Variants in ZC3H12B observed in about 807,000 individuals in gnomAD.
ZC3H12B encodes zinc finger CCCH-type containing 12B.
ZC3H12B carries 7 observed loss-of-function variants against 43.9 expected under a neutral mutation model. That is an observed-to-expected ratio of 0.16 (90% confidence interval 0.09 to 0.30). ZC3H12B has a LOEUF of 0.30. Among genes scored for constraint, ZC3H12B ranks in the 10% least tolerant of loss-of-function variants. The probability of loss-of-function intolerance (pLI) is 1.00; values close to 1 mark genes in which losing one functional copy is unlikely to be tolerated. For synonymous variants in ZC3H12B, 222 were observed against 241.7 expected (o/e 0.92, Z 0.76); for missense variants, 475 against 670.2 (o/e 0.71, Z 3.22).
At chrX:65,252,471 C>T in the ZC3H12B span, among the ~76,000 whole-genome samples, 1 of 111,964 alleles carries the variant, frequency 8.9e-6, no homozygotes, top group East Asian at 2.8e-4. Flanking sequence ...TTAATACACA[C>T]AAAATCCCTG....
the ZC3H12B span, among the ~76,000 whole-genome samples, chrX:65,209,538 G>A: frequency 9.7e-6 from 1 of 102,747 alleles, no homozygotes; most frequent in African/African-American, 3.6e-5. Flanking sequence ...ACTGTGGTCT[G>A]AGAGATAGTT....
chrX:65,461,718 G>C (rs1006208489), intron 3 of ZC3H12B, among the ~76,000 whole-genome samples: 7 of 111,273 alleles, frequency 6.3e-5, no homozygotes, highest in African/African-American at 2.0e-4. Context: ...CTAGGTAGGG[G>C]GGAGGGATAG....
At chrX:65,173,017 G>T in the ZC3H12B span, among the ~76,000 whole-genome samples, 1 of 111,933 alleles carries the variant, frequency 8.9e-6, no homozygotes, top group Non-Finnish European at 1.9e-5. Flanking sequence ...ACTTTGGGCA[G>T]TATGGCCAAT....
the ZC3H12B span, among the ~76,000 whole-genome samples, chrX:65,249,285 A>G: frequency 1.9e-4 from 21 of 112,046 alleles, no homozygotes; most frequent in African/African-American, 6.8e-4. Flanking sequence ...GTTTTATTCT[A>G]CATGCGGCTA....
intron 3 of ZC3H12B, among the ~76,000 whole-genome samples, chrX:65,453,064 C>A (rs1012917931): frequency 9.2e-6 from 1 of 109,226 alleles, no homozygotes; most frequent in Admixed American, 9.9e-5. Context: ...GCAAAAAGAT[C>A]AAATCTGCTG....
At chrX:65,420,756 T>TA (rs1289304821) in intron 3 of ZC3H12B, among the ~76,000 whole-genome samples, 20 of 108,706 alleles carry the variant, frequency 1.8e-4, no homozygotes, top group African/African-American at 5.7e-4. Flanking sequence ...TAGAAACCAT[T>TA]AAAAAAAAAG....
At chrX:65,397,494 T>A (rs2066714115) in intron 2 of ZC3H12B, among the ~76,000 whole-genome samples, 1 of 111,817 alleles carries the variant, frequency 8.9e-6, no homozygotes, top group African/African-American at 3.2e-5. Flanking sequence ...GGTTGAAAAT[T>A]CTTTCTTTAA....
chrX:65,425,940 GC>G (rs2067076393), intron 3 of ZC3H12B, among the ~76,000 whole-genome samples: 1 of 111,011 alleles, frequency 9.0e-6, no homozygotes, highest in Non-Finnish European at 1.9e-5. Context: ...TTGTATCTCT[GC>G]CAAGTTTGGT....
the ZC3H12B span, among the ~76,000 whole-genome samples, chrX:65,079,886 C>T: frequency 1.8e-5 from 2 of 110,926 alleles, no homozygotes; most frequent in South Asian, 7.7e-4. Context: ...AATAAACCAC[C>T]AGGGGCTAAT....
At chrX:65,179,252 T>G in the ZC3H12B span, among the ~76,000 whole-genome samples, 1 of 107,566 alleles carries the variant, frequency 9.3e-6, no homozygotes, top group African/African-American at 3.4e-5. Context: ...GAGTGGGGCC[T>G]GTCGGGGTGT....
the ZC3H12B span, among the ~76,000 whole-genome samples, chrX:65,213,379 A>C: frequency 9.0e-6 from 1 of 111,290 alleles, no homozygotes; most frequent in Non-Finnish European, 1.9e-5. Flanking sequence ...TATGTGTCCC[A>C]ATACTCTGTG....
chrX:65,039,783 G>T, the ZC3H12B span, among the ~76,000 whole-genome samples: 1 of 111,595 alleles, frequency 9.0e-6, no homozygotes, highest in Non-Finnish European at 1.9e-5. Flanking sequence ...AAAATACTGT[G>T]ACTAAATCAG....
chrX:65,113,743 A>C, the ZC3H12B span, among the ~76,000 whole-genome samples: 1 of 108,886 alleles, frequency 9.2e-6, no homozygotes, highest in East Asian at 2.9e-4. Flanking sequence ...AAGACCTCCC[A>C]CTAGCAAAAA....
At chrX:65,178,846 AGT>A in the ZC3H12B span, among the ~76,000 whole-genome samples, 12 of 112,219 alleles carry the variant, frequency 1.1e-4, no homozygotes, top group African/African-American at 3.9e-4. Flanking sequence ...TGTGGAAGAG[AGT>A]GTGCAATTCC....
the ZC3H12B span, among the ~76,000 whole-genome samples, chrX:65,205,839 A>C: frequency 1.8e-5 from 2 of 111,925 alleles, no homozygotes; most frequent in African/African-American, 6.5e-5. Context: ...TACAAAATTA[A>C]TGTACGCACA....
At chrX:65,323,385 T>C in the ZC3H12B span, among the ~76,000 whole-genome samples, 7,096 of 111,889 alleles carry the variant, frequency 0.063, 271 homozygotes, top group Non-Finnish European at 0.1. Flanking sequence ...GATGTTCCCC[T>C]CCCTGTGTCC....
the ZC3H12B span, among the ~76,000 whole-genome samples, chrX:65,233,630 C>T: frequency 1.9e-4 from 21 of 109,075 alleles, no homozygotes; most frequent in African/African-American, 7.0e-4. Flanking sequence ...TAACAATAAA[C>T]ATCTACATAT....
the ZC3H12B span, among the ~76,000 whole-genome samples, chrX:65,119,752 T>G: frequency 8.9e-6 from 1 of 111,973 alleles, no homozygotes; most frequent in Non-Finnish European, 1.9e-5. Flanking sequence ...ATTGCCTAGG[T>G]TTTCTTCTAG....
chrX:65,278,230 T>G, the ZC3H12B span, among the ~76,000 whole-genome samples: 2 of 111,783 alleles, frequency 1.8e-5, no homozygotes, highest in Non-Finnish European at 3.8e-5. Flanking sequence ...GACCTCTGGT[T>G]GTCCTCGTGG....
Sources: gnomAD v4.1 joint callset for allele counts (sites outside exome capture counted in the v4.1 genomes callset) on GRCh38, gnomAD v4.1.1 for gene constraint, MANE v1.5 for transcripts, NCBI Gene and HGNC (gene_info 2026-07-23, HGNC 2026-07-21) for gene names.